DYM: variants seen among roughly 807,000 people sequenced by gnomAD.
The protein encoded by DYM is dyggve-Melchior-Clausen syndrome protein.
Under a neutral mutation model 93.1 loss-of-function variants are expected in DYM, and 78 were observed. That is an observed-to-expected ratio of 0.84 (90% CI 0.70 to 1.01). The LOEUF (loss-of-function observed/expected upper bound fraction) is 1.01. DYM is among the 50% of genes least tolerant of loss of function. DYM has a pLI of 0.00. For missense variants in DYM, 789 were observed against 845.0 expected (o/e 0.93, Z 0.82); for synonymous variants, 321 against 319.7 (o/e 1.00, Z -0.04).
chr18:49,313,191 C>T (rs1284227290), intron 8 of DYM, among the ~76,000 whole-genome samples: 1 of 152,012 alleles, frequency 6.6e-6, no homozygotes, highest in Non-Finnish European at 1.5e-5. Flanking sequence ...GTAGGCCGGG[C>T]ATGGTGGCTC....
At chr18:49,099,169 T>G (rs1324584612) in intron 16 of DYM, among the ~76,000 whole-genome samples, 1 of 152,206 alleles carries the variant, frequency 6.6e-6, no homozygotes, top group Non-Finnish European at 1.5e-5. Context: ...AATTAAAAAG[T>G]AGATAGATGT....
chr18:49,198,930 T>C (rs1182181346), intron 14 of DYM, among the ~76,000 whole-genome samples: 32 of 151,982 alleles, frequency 2.1e-4, no homozygotes, highest in Non-Finnish European at 8.8e-5. Context: ...CATGCACACG[T>C]ATGTTTATTG....
chr18:49,128,357 T>C (rs1230028045), intron 15 of DYM, among the ~76,000 whole-genome samples: 1 of 152,252 alleles, frequency 6.6e-6, no homozygotes, highest in East Asian at 1.9e-4. Flanking sequence ...GTATTAGTGT[T>C]CATTTTTATT....
At chr18:49,392,401 T>C (rs2069367246) in intron 2 of DYM, among the ~76,000 whole-genome samples, 1 of 151,914 alleles carries the variant, frequency 6.6e-6, no homozygotes, top group South Asian at 2.1e-4. Flanking sequence ...ATCTACAGAG[T>C]GAAAAGTCAA....
intron 8 of DYM, among the ~76,000 whole-genome samples, chr18:49,313,001 T>G (rs1224097675): frequency 6.6e-6 from 1 of 152,148 alleles, no homozygotes; most frequent in East Asian, 1.9e-4. Flanking sequence ...AATTAATCCT[T>G]GAAGCTATCA....
rs117629700 is a variant in DYM, at chr18:49,317,004, G to C, written c.763+14860C>G. 3.3e-3 allele frequency among the ~76,000 whole-genome samples: 498 copies of C among 152,238 alleles called. 6 individuals are homozygous for C. Among genetic ancestry groups the C allele is most frequent in the Admixed American group, 0.019 (283 of 15,288 alleles). ...TCCAATTTGGGGAAATTATGCATTT[G>C]TCTAAACCCTGAGTACTGTACAACA... On this transcript the variant is annotated intron_variant, in intron 8 of 17. Coordinates refer to ENST00000675505, the MANE Select transcript of DYM (RefSeq NM_001353214.3).
chr18:49,156,896 A>C (rs1240931884), intron 15 of DYM, among the ~76,000 whole-genome samples: 1 of 152,034 alleles, frequency 6.6e-6, no homozygotes, highest in Non-Finnish European at 1.5e-5. Flanking sequence ...GCATCTGGCC[A>C]GTCTCTGCCT....
chr18:49,244,340 A>G (rs1380235748), intron 13 of DYM, among the ~76,000 whole-genome samples: 1 of 152,178 alleles, frequency 6.6e-6, no homozygotes, highest in East Asian at 1.9e-4. Context: ...AAATCTTTTC[A>G]GTCAGTAACT....
chr18:49,310,936 AT>A (rs1183180614), intron 8 of DYM, among the ~76,000 whole-genome samples: 2 of 152,360 alleles, frequency 1.3e-5, no homozygotes, highest in Non-Finnish European at 1.5e-5. Flanking sequence ...AATATATTTT[AT>A]TTAATCCAAT....
At chr18:49,310,232 A>T (rs2061508636) in intron 8 of DYM, among the ~76,000 whole-genome samples, 1 of 152,238 alleles carries the variant, frequency 6.6e-6, no homozygotes, top group African/African-American at 2.4e-5. Flanking sequence ...AAATGACATT[A>T]ATTACATGGG....
At chr18:49,428,783 T>C (rs1454929533) in intron 2 of DYM, among the ~76,000 whole-genome samples, 1 of 152,182 alleles carries the variant, frequency 6.6e-6, no homozygotes. Context: ...TCTGGGATGA[T>C]AATGTTCTAA....
chr18:49,088,435 T>G (rs1304565972), intron 17 of DYM, among the ~76,000 whole-genome samples: 1 of 151,358 alleles, frequency 6.6e-6, no homozygotes, highest in Non-Finnish European at 1.5e-5. Flanking sequence ...GGGGAAGGGA[T>G]AGCATTAGGA....
intron 15 of DYM, among the ~76,000 whole-genome samples, chr18:49,128,405 A>T (rs922914146): frequency 1.3e-5 from 2 of 152,240 alleles, no homozygotes; most frequent in African/African-American, 4.8e-5. Flanking sequence ...AGAAAAAGAA[A>T]TCCCTTTCCA....
chr18:49,318,088 A>T (rs1436074775), intron 8 of DYM, among the ~76,000 whole-genome samples: 2 of 152,026 alleles, frequency 1.3e-5, no homozygotes, highest in Admixed American at 1.3e-4. Flanking sequence ...TACACCTGAT[A>T]CCCCACACCC....
At chr18:49,311,188 C>G (rs528822229) in intron 8 of DYM, among the ~76,000 whole-genome samples, 67 of 152,224 alleles carry the variant, frequency 4.4e-4, no homozygotes, top group African/African-American at 1.5e-3. Context: ...CAAGGCACAG[C>G]TGGAGAAGGG....
intron 8 of DYM, among the ~76,000 whole-genome samples, chr18:49,320,845 A>G (rs944843504): frequency 6.6e-6 from 1 of 152,234 alleles, no homozygotes; most frequent in Non-Finnish European, 1.5e-5. Flanking sequence ...TTATGTAATT[A>G]TAAATATTAA....
intron 5 of DYM, among the ~76,000 whole-genome samples, chr18:49,371,078 G>A (rs2066995050): frequency 6.6e-6 from 1 of 152,178 alleles, no homozygotes; most frequent in Non-Finnish European, 1.5e-5. Flanking sequence ...GCAAGGAATG[G>A]GGCCTGAACC....
chr18:49,086,005 C>T (rs1160321460), intron 17 of DYM, among the ~76,000 whole-genome samples: 3 of 152,076 alleles, frequency 2.0e-5, no homozygotes, highest in Non-Finnish European at 2.9e-5. Context: ...AAACTAATAG[C>T]GGGGATTTCA....
chr18:49,166,766 A>G (rs1003861806), intron 14 of DYM, among the ~76,000 whole-genome samples: 1 of 152,160 alleles, frequency 6.6e-6, no homozygotes, highest in Non-Finnish European at 1.5e-5. Context: ...TTGGGTAGTC[A>G]ATTCTTGCAC....
Sources: allele counts gnomAD v4.1 joint callset (sites outside exome capture counted in the v4.1 genomes callset), GRCh38; gene constraint gnomAD v4.1.1; transcripts MANE v1.5; gene names NCBI Gene and HGNC (gene_info 2026-07-23, HGNC 2026-07-21).